CKAP5: variants seen among roughly 807,000 people sequenced by gnomAD.
CKAP5 encodes the protein cytoskeleton-associated protein 5.
In CKAP5, 27 loss-of-function variants were observed where a neutral mutation model predicts 232.8. The observed-to-expected ratio is 0.12, with a 90% confidence interval of 0.09 to 0.16. CKAP5 has a LOEUF of 0.16. Ranked by LOEUF, CKAP5 falls within the 10% of genes least tolerant of loss-of-function variation. The pLI is 1.00. For missense variants in CKAP5, 1,838 were observed against 2,424.7 expected (o/e 0.76, Z 5.08); for synonymous variants, 785 against 841.1 (o/e 0.93, Z 1.16).
intron 1 of CKAP5, among the ~76,000 whole-genome samples, chr11:46,825,781 A>T (rs1939638920): frequency 6.6e-6 from 1 of 152,038 alleles, no homozygotes; most frequent in Admixed American, 6.6e-5. Context: ...TTATTTTTTT[A>T]AAAAAGCAAT....
chr11:46,771,613 T>C (rs1250491692), intron 24 of CKAP5, among the ~76,000 whole-genome samples: 1 of 152,244 alleles, frequency 6.6e-6, no homozygotes, highest in Non-Finnish European at 1.5e-5. Context: ...AAGAGATTTG[T>C]TTAACCATTC....
Position 46,743,801 on chromosome 11 carries a change from C to T in CKAP5, c.*222G>A, listed in dbSNP as rs2065001908. ...GGGGGCAGCTGTTTACAAGTCTGTA[C>T]ACTAAACTCATCCACGGACAGTCTT... On this transcript the variant is annotated 3_prime_UTR_variant, in exon 44 of 44. Transcript: ENST00000529230. The T allele has an allele frequency of 3.4e-6, 2 of 581,954 alleles. No homozygotes were observed. The highest frequency in any genetic ancestry group is 1.9e-5 in the African/African-American group (1 of 53,550). The allele number at this position is 581,954 out of a possible 1,614,324, so 36.0% of individuals were successfully genotyped here.
intron 1 of CKAP5, among the ~76,000 whole-genome samples, chr11:46,842,823 C>T (rs188396677): frequency 2.0e-5 from 3 of 151,892 alleles, no homozygotes; most frequent in Admixed American, 6.6e-5. Flanking sequence ...GAAAATTAGC[C>T]GGGCTTGGTA....
rs538772327 is a variant in CKAP5, at chr11:46,809,232, T to C, written c.864+168A>G. On this transcript the variant is annotated intron_variant, in intron 7 of 43. Transcript: ENST00000529230. ...TTAAAAAAGTGCTATAATATATATATGTACAAAGTAGTGTGGGAGCAAAGA... is the reference window on the plus strand; with the variant it reads ...TTAAAAAAGTGCTATAATATATATACGTACAAAGTAGTGTGGGAGCAAAGA... Among the ~76,000 whole-genome samples the C allele has an allele frequency of 3.9e-5, 6 of 152,278 alleles. No homozygotes were observed. The South Asian group carries it at 1.2e-3, about 32-fold the overall frequency.
intron 18 of CKAP5, among the ~76,000 whole-genome samples, chr11:46,782,617 CT>C (rs1304761624): frequency 1.3e-5 from 2 of 152,220 alleles, no homozygotes; most frequent in Non-Finnish European, 2.9e-5. Flanking sequence ...ATCATTCTTT[CT>C]CCAAACCAGA....
intron 42 of CKAP5, 77 bp downstream of exon 42, chr11:46,750,197 A>C: frequency 6.9e-7 from 1 of 1,444,246 alleles, no homozygotes; most frequent in Non-Finnish European, 9.5e-7. Flanking sequence ...ATATGAATTT[A>C]AACTAACCAA....
chr11:46,754,582 T>G lies in CKAP5; in HGVS notation c.4869+306A>C, dbSNP rs73454096. Among the ~76,000 whole-genome samples, 295 of 151,946 alleles carry G rather than the reference T, an allele frequency of 1.9e-3. 1 individual carries two copies. The highest frequency in any genetic ancestry group is 6.8e-3 in the African/African-American group (284 of 41,562). On this transcript the variant is annotated intron_variant, in intron 36 of 43. Coordinates refer to ENST00000529230, the MANE Select transcript of CKAP5 (RefSeq NM_001008938.4). The stretch of plus-strand genomic sequence containing the variant: ...TGTATACTGATCAAACCAGGCTAAT[T>G]AGCATTTTTAATAGAACCATACTTA...
Position 46,780,342 on chromosome 11 carries a change from C to G in CKAP5, c.2308-23G>C, listed in dbSNP as rs192473307. On this transcript the variant is annotated intron_variant, in intron 19 of 43. Transcript: ENST00000529230. ...AGCCTGCCAGACAGAAGAAAAATAA[C>G]TTTTTAAATCACAAAGATGGCAATA... 3 of 1,613,618 alleles carry G rather than the reference C, an allele frequency of 1.9e-6. No homozygotes were observed. The Admixed American group carries it at 5.0e-5, about 27-fold the overall frequency.
chr11:46,815,915 G>C (rs1344834797), intron 4 of CKAP5, among the ~76,000 whole-genome samples: 1 of 152,140 alleles, frequency 6.6e-6, no homozygotes, highest in Non-Finnish European at 1.5e-5. Flanking sequence ...AACAGGAGGT[G>C]AACAGCTACC....
Position 46,780,411 on chromosome 11 carries a change from T to C in CKAP5, c.2307+17A>G. On this transcript the variant is annotated intron_variant, in intron 19 of 43. Coordinates refer to ENST00000529230, the MANE Select transcript of CKAP5 (RefSeq NM_001008938.4). ...AAAGATGGCAATACTGCCCTATATA[T>C]GTTGTTATGTACTCACTGGGTTTGT... 1.2e-6 allele frequency: 2 copies of C among 1,613,746 alleles called. No individual in the cohort carries two copies. The highest frequency in any genetic ancestry group is 1.7e-6 in the Non-Finnish European group (2 of 1,179,716).
At chr11:46,798,929 G>A (rs1218761289) in intron 9 of CKAP5, among the ~76,000 whole-genome samples, 1 of 152,200 alleles carries the variant, frequency 6.6e-6, no homozygotes, top group African/African-American at 2.4e-5. Flanking sequence ...GGAATAAAAA[G>A]TCATTTCCTT....
rs1347951169 is a variant in CKAP5, at chr11:46,765,113, T to C, written c.3537+18A>G. The stretch of plus-strand genomic sequence containing the variant: ...AATACAAGCAAAAATCTCCTGACGA[T>C]TCTTAATCCTTCCTTACCTTCAATC... On this transcript the variant is annotated intron_variant, in intron 28 of 43. Coordinates refer to ENST00000529230, the MANE Select transcript of CKAP5 (RefSeq NM_001008938.4). 1 of 1,604,854 alleles carries C rather than the reference T, an allele frequency of 6.2e-7. No individual in the cohort carries two copies. Among genetic ancestry groups the C allele is most frequent in the South Asian group, 1.1e-5 (1 of 89,358 alleles).
intron 40 of CKAP5, 115 bp downstream of exon 40, chr11:46,750,998 ACCAGT>A: frequency 1.7e-6 from 2 of 1,167,932 alleles, no homozygotes; most frequent in Non-Finnish European, 2.4e-6. Context: ...GACTGATTCA[ACCAGT>A]CCATGAGCCT....
At chr11:46,786,292 T>C (rs1265040842) in intron 16 of CKAP5, among the ~76,000 whole-genome samples, 1 of 152,216 alleles carries the variant, frequency 6.6e-6, no homozygotes, top group Non-Finnish European at 1.5e-5. Flanking sequence ...CACAGTAGCC[T>C]TCAAAACCTG....
chr11:46,767,792 G>T, intron 26 of CKAP5, 129 bp from the exon 27 acceptor site: 2 of 562,924 alleles, frequency 3.6e-6, no homozygotes, highest in Non-Finnish European at 5.8e-6. Context: ...GATGTTTTCA[G>T]TTAGTTTTTT....
chr11:46,752,193 T>TATATATAC (rs1408030107), intron 38 of CKAP5, among the ~76,000 whole-genome samples: 15 of 66,548 alleles, frequency 2.3e-4, no homozygotes, highest in African/African-American at 6.6e-4. Flanking sequence ...TATATATATA[T>TATATATAC]ACACACACAC....
intron 42 of CKAP5, among the ~76,000 whole-genome samples, chr11:46,749,432 G>A (rs2065046014): frequency 7.0e-6 from 1 of 143,258 alleles, no homozygotes; most frequent in African/African-American, 2.7e-5. Context: ...CCCAGCCTGG[G>A]TGACAGGGTG....
In CKAP5 at chr11:46,811,177, C is replaced by G. The variant is rs1939266073; in HGVS notation, c.460G>C (p.Glu154Gln). ...CIETLRKALSEFGSKIILLKP... is the reference protein window; with the variant it reads ...CIETLRKALSQFGSKIILLKP... ...AGCAAGATGATTTTGGAACCAAATT[C>G]ACTACAAGTAAAAAATTGGGAAAAA... is the stretch of plus-strand genomic sequence containing the variant. Residue 154 changes from glutamate to glutamine, a missense_variant and splice_region_variant, in exon 5 of 44, where the codon GAA (glutamate) becomes CAA (glutamine). Around this residue, in one of 6 missense-constraint regions of CKAP5, gnomAD observed 285 missense variants for 300.0 expected, o/e 0.95. Coordinates refer to ENST00000529230, the MANE Select transcript of CKAP5 (RefSeq NM_001008938.4). The G allele has an allele frequency of 6.2e-7, 1 of 1,610,616 alleles. No individual in the cohort carries two copies. The highest frequency in any genetic ancestry group is 1.1e-5 in the South Asian group (1 of 90,218).
At chr11:46,773,039 G>A (rs2065261187) in intron 24 of CKAP5, among the ~76,000 whole-genome samples, 1 of 152,090 alleles carries the variant, frequency 6.6e-6, no homozygotes, top group African/African-American at 2.4e-5. Context: ...ACCGCGCCTG[G>A]CCCTCACCAT....
Sources: gnomAD v4.1 joint callset for allele counts (sites outside exome capture counted in the v4.1 genomes callset) on GRCh38, gnomAD v4.1.1 for gene constraint, gnomAD v4.1.1 regional missense constraint, MANE v1.5 for transcripts, NCBI Gene and HGNC (gene_info 2026-07-23, HGNC 2026-07-21) for gene names.